CNTFR: variants seen among roughly 807,000 people sequenced by gnomAD.
CNTFR encodes the protein ciliary neurotrophic factor receptor subunit alpha.
CNTFR carries 12 observed loss-of-function variants against 40.4 expected under a neutral mutation model. The observed-to-expected ratio is 0.30, with a 90% confidence interval of 0.19 to 0.48. The LOEUF is 0.48. Ranked by LOEUF, CNTFR falls within the 20% of genes least tolerant of loss-of-function variation. CNTFR has a pLI of 0.99. For missense variants in CNTFR, 414 were observed against 506.8 expected (o/e 0.82, Z 1.76); for synonymous variants, 202 against 209.6 (o/e 0.96, Z 0.31).
At chr9:34,575,659 T>TCACA (rs1252572864) in intron 2 of CNTFR, among the ~76,000 whole-genome samples, 24 of 149,966 alleles carry the variant, frequency 1.6e-4, no homozygotes, top group African/African-American at 5.7e-4. Context: ...GCAAGCAAGC[T>TCACA]CACACACACA....
chr9:34,569,254 C>T (rs1415386996), intron 2 of CNTFR, among the ~76,000 whole-genome samples: 1 of 152,168 alleles, frequency 6.6e-6, no homozygotes, highest in Non-Finnish European at 1.5e-5. Flanking sequence ...TTTCAGGCAA[C>T]AGAAAGCAAC....
chr9:34,571,301 C>A (rs968058751), intron 2 of CNTFR: 3 of 152,518 alleles, frequency 2.0e-5, no homozygotes, highest in Admixed American at 6.5e-5. Context: ...CGCCCTCACA[C>A]CCTCCCCCAC....
At chr9:34,562,715 T>C (rs1826120907) in intron 4 of CNTFR, among the ~76,000 whole-genome samples, 1 of 152,178 alleles carries the variant, frequency 6.6e-6, no homozygotes, top group Non-Finnish European at 1.5e-5. Flanking sequence ...CTTGAATCAT[T>C]GGCTCAGGAG....
rs1427035264 is a variant in CNTFR, at chr9:34,568,956, C to T, written c.26G>A (p.Cys9Tyr). The change falls in exon 3 of 10, where the codon TGC becomes TAC. Residue 9 changes from cysteine (C) to tyrosine (Y), a missense_variant. Cys to Tyr is a radical substitution (Grantham distance 194, BLOSUM62 -2). Transcript: ENST00000378980. ...GGCGGCGGCGGCAAGCACAGCACAG[C>T]AGGCCCACGGGACAGGAGCAGCCAT... MAAPVPWA[C>Y]CAVLAAAAAV... The T allele has an allele frequency of 3.8e-6, 6 of 1,599,936 alleles. No homozygotes were observed. In the East Asian group the frequency reaches 1.4e-4, roughly 36 times the overall value.
chr9:34,574,172 C>T (rs1029758825), intron 2 of CNTFR, among the ~76,000 whole-genome samples: 19 of 151,966 alleles, frequency 1.3e-4, no homozygotes, highest in African/African-American at 4.4e-4. Flanking sequence ...GAGGCCTGGC[C>T]CCTGGCAGCT....
chr9:34,553,618 G>C (rs1212420780), intron 7 of CNTFR, among the ~76,000 whole-genome samples: 3 of 152,186 alleles, frequency 2.0e-5, no homozygotes, highest in Non-Finnish European at 4.4e-5. Context: ...GGGGCGGAAA[G>C]GGGTGGGGGA....
At chr9:34,583,764 G>A (rs1263790997) in intron 1 of CNTFR, among the ~76,000 whole-genome samples, 5 of 152,194 alleles carry the variant, frequency 3.3e-5, no homozygotes, top group Non-Finnish European at 5.9e-5. Flanking sequence ...ATTGACGTCA[G>A]GGGCCTGGAT....
chr9:34,564,546 T>G (rs1289835620), intron 4 of CNTFR, 53 bp downstream of exon 4: 8 of 1,485,914 alleles, frequency 5.4e-6, no homozygotes, highest in Non-Finnish European at 7.4e-6. Flanking sequence ...GGGCTAGGAG[T>G]CTGGGTCTCA....
At chr9:34,569,089 G>A in intron 2 of CNTFR, 108 bp from the exon 3 acceptor site, 1 of 1,044,164 alleles carries the variant, frequency 9.6e-7, no homozygotes, top group Non-Finnish European at 1.4e-6. Context: ...CAGCCCTAGG[G>A]CCCTGGAGAG....
chr9:34,554,328 G>A (rs1825750622), intron 7 of CNTFR, among the ~76,000 whole-genome samples: 1 of 152,170 alleles, frequency 6.6e-6, no homozygotes, highest in Admixed American at 6.5e-5. Context: ...CACAGGGAGG[G>A]AGCCACGGGG....
At chr9:34,579,362 C>T (rs1466796493) in intron 2 of CNTFR, among the ~76,000 whole-genome samples, 2 of 151,602 alleles carry the variant, frequency 1.3e-5, no homozygotes, top group Non-Finnish European at 2.9e-5. Context: ...GACTTGGCAG[C>T]GTTGGGCGTT....
chr9:34,564,631 T>A lies in CNTFR; in HGVS notation c.287A>T (p.His96Leu). 6.2e-7 allele frequency: 1 copy of A among 1,611,236 alleles called. No homozygotes were observed. The highest frequency in any genetic ancestry group is 8.5e-7 in the Non-Finnish European group (1 of 1,179,098). ...LYACFHRDSW[H>L]LRHQVLLHVG... Reference sequence around the variant, plus strand: ...ATGCAGCAGGACTTGGTGGCGCAGGTGCCAGGAGTCACGGTGGAAGCAGGC... The same window carrying A: ...ATGCAGCAGGACTTGGTGGCGCAGGAGCCAGGAGTCACGGTGGAAGCAGGC... Residue 96 changes from histidine to leucine, a missense_variant, in exon 4 of 10, where the codon CAC becomes CTC. Around this residue, in one of 3 missense-constraint regions of CNTFR, gnomAD observed 250 missense variants for 269.5 expected, o/e 0.93. Coordinates refer to ENST00000378980, the MANE Select transcript of CNTFR (RefSeq NM_147164.3).
rs1480501630 is a variant in CNTFR, at chr9:34,556,290, G to A, written c.733C>T (p.Arg245Cys). The A allele has an allele frequency of 2.5e-6, 4 of 1,613,400 alleles. No homozygotes were observed. The highest frequency in any genetic ancestry group is 2.5e-6 in the Non-Finnish European group (3 of 1,179,824). Residue 245 changes from arginine to cysteine, a missense_variant, in exon 7 of 10, where the codon CGC becomes TGC. Arg to Cys is a radical substitution (Grantham distance 180). Around this residue, in one of 3 missense-constraint regions of CNTFR, gnomAD observed 83 missense variants for 145.0 expected, o/e 0.57. Transcript: ENST00000378980. Reference sequence around the variant, plus strand: ...TGGTCCAGGATGAGGGGTCGGTAGCGCAGAAAGAACTTGAGAGGAAAAGAC... The same window carrying A: ...TGGTCCAGGATGAGGGGTCGGTAGCACAGAAAGAACTTGAGAGGAAAAGAC... ...PESFPLKFFL[R>C]YRPLILDQWQ...
chr9:34,561,070 G>A (rs537700372), intron 4 of CNTFR, among the ~76,000 whole-genome samples: 9 of 152,022 alleles, frequency 5.9e-5, no homozygotes, highest in Admixed American at 1.3e-4. Flanking sequence ...CCCTACCCAC[G>A]CCCCACCCAC....
At chr9:34,570,640 T>TGTCAGACACACA (rs1175198747) in intron 2 of CNTFR, among the ~76,000 whole-genome samples, 15 of 152,010 alleles carry the variant, frequency 9.9e-5, no homozygotes, top group African/African-American at 3.6e-4. Context: ...CCAGAGACAC[T>TGTCAGACACACA]GTCAGACACA....
intron 2 of CNTFR, among the ~76,000 whole-genome samples, chr9:34,576,515 G>A (rs912124838): frequency 4.6e-5 from 7 of 152,362 alleles, no homozygotes; most frequent in Non-Finnish European, 7.3e-5. Context: ...CGTGCCTGAG[G>A]GGAGGGACAG....
chr9:34,566,667 G>A (rs1049863921), intron 3 of CNTFR, among the ~76,000 whole-genome samples: 3 of 152,150 alleles, frequency 2.0e-5, no homozygotes, highest in African/African-American at 7.2e-5. Context: ...CTGACCTTTG[G>A]GGAGGGGGCG....
intron 2 of CNTFR, among the ~76,000 whole-genome samples, chr9:34,577,840 A>AG (rs1564072940): frequency 1.2e-3 from 135 of 112,780 alleles, no homozygotes; most frequent in Non-Finnish European, 1.6e-3. Context: ...AGAGAAGAGA[A>AG]AAGAAGAGAG....
In CNTFR at chr9:34,551,657, C is replaced by G. The variant is rs780066826; in HGVS notation, c.*414G>C. 6.2e-6 allele frequency: 2 copies of G among 322,234 alleles called. No individual in the cohort carries two copies. The highest frequency in any genetic ancestry group is 1.2e-5 in the Non-Finnish European group (2 of 170,172). 20.0% of individuals were successfully genotyped at this position (322,234 alleles called of 1,614,324 possible). A position where few individuals can be genotyped will look rare whatever the true frequency, so the allele number is the denominator to read the frequency against. On this transcript the variant is annotated 3_prime_UTR_variant, in exon 10 of 10. Coordinates refer to ENST00000378980, the MANE Select transcript of CNTFR (RefSeq NM_147164.3). ...TGCTGGGGGGAGGGGGATGGCTGGG[C>G]CCCCCCAGCATCAGGAGCTTATAAT... is the stretch of plus-strand genomic sequence containing the variant.
Sources: allele counts gnomAD v4.1 joint callset (sites outside exome capture counted in the v4.1 genomes callset), GRCh38; gene constraint gnomAD v4.1.1; regional missense constraint gnomAD v4.1.1; transcripts MANE v1.5; gene names NCBI Gene and HGNC (gene_info 2026-07-23, HGNC 2026-07-21).